Variants in ZFYVE9 observed in about 807,000 individuals in gnomAD.
ZFYVE9 encodes the protein zinc finger FYVE domain-containing protein 9.
In ZFYVE9, 43 loss-of-function variants were observed where a neutral mutation model predicts 126.7. That is an observed-to-expected ratio of 0.34 (90% CI 0.27 to 0.44). The LOEUF is 0.44. Ranked by LOEUF, ZFYVE9 falls within the 20% of genes least tolerant of loss-of-function variation. The probability of loss-of-function intolerance (pLI) is 1.00; values close to 1 mark genes in which losing one functional copy is unlikely to be tolerated. For synonymous variants in ZFYVE9, 521 were observed against 597.4 expected, an observed-to-expected ratio of 0.87 and a Z score of 1.87; for missense variants, 1,476 against 1,697.0, an observed-to-expected ratio of 0.87 and a Z score of 2.29.
chr1:52,239,844 A>G (rs1000590859), intron 4 of ZFYVE9, among the ~76,000 whole-genome samples: 2 of 152,204 alleles, frequency 1.3e-5, no homozygotes, highest in Non-Finnish European at 1.5e-5. Context: ...GAATTGAGGA[A>G]GTGTAAACTT....
intron 13 of ZFYVE9, among the ~76,000 whole-genome samples, chr1:52,330,029 TAAC>T (rs1646326208): frequency 2.6e-5 from 4 of 151,370 alleles, no homozygotes; most frequent in Admixed American, 2.6e-4. Flanking sequence ...CTGGATAACA[TAAC>T]ATAACATAAC....
intron 2 of ZFYVE9, among the ~76,000 whole-genome samples, chr1:52,226,535 CAAAAAGA>C (rs1379005556): frequency 5.3e-5 from 8 of 151,874 alleles, no homozygotes; most frequent in African/African-American, 1.7e-4. Context: ...GACTCTGTCT[CAAAAAGA>C]AAAAAGAAAA....
chr1:52,263,753 T>TTGGGGCCC lies in ZFYVE9; in HGVS notation c.2179-20_2179-19insTGGGGCCC. ...ATCCCAAGTAAATTTTGTGTGTTCT[T>TTGGGGCCC]CCCCCCCCCCCCCCCACAGGTTTTC... On this transcript the variant is annotated intron_variant, in intron 4 of 18. Transcript: ENST00000287727. 1 of 713,092 alleles carries TTGGGGCCC rather than the reference T, an allele frequency of 1.4e-6. No homozygotes were observed. Among genetic ancestry groups the TTGGGGCCC allele is most frequent in the Non-Finnish European group, 2.0e-6 (1 of 490,714 alleles). The allele number at this position is 713,092 out of a possible 1,614,324, so 44.2% of individuals were successfully genotyped here. A position where few individuals can be genotyped will look rare whatever the true frequency, so the allele number is the denominator to read the frequency against.
intron 17 of ZFYVE9, among the ~76,000 whole-genome samples, chr1:52,340,921 A>C (rs1212398666): frequency 7.6e-5 from 10 of 131,712 alleles, no homozygotes; most frequent in South Asian, 4.3e-4. Flanking sequence ...AAAAAAAAAA[A>C]AAAAAAAAAA....
Position 52,180,455 on chromosome 1 carries a change from C to T in ZFYVE9, c.-142-35914C>T, listed in dbSNP as rs1229070017. On this transcript the variant is annotated intron_variant, in intron 1 of 18. Coordinates refer to ENST00000287727, the MANE Select transcript of ZFYVE9 (RefSeq NM_004799.4). The stretch of plus-strand genomic sequence containing the variant: ...CTGAATCTGGAGCAATTAAGAGGGA[C>T]CTGGAGGAAAACCCTAAGAAGCCAG... The T allele has an allele frequency of 4.1e-6, 5 of 1,223,036 alleles. No homozygotes were observed. The African/African-American group carries it at 7.5e-5, about 18-fold the overall frequency. 75.8% of individuals were successfully genotyped at this position (1,223,036 alleles called of 1,614,324 possible). A position where few individuals can be genotyped will look rare whatever the true frequency, so the allele number is the denominator to read the frequency against.
chr1:52,181,691 C>G (rs1388634372), intron 1 of ZFYVE9, among the ~76,000 whole-genome samples: 1 of 151,026 alleles, frequency 6.6e-6, no homozygotes, highest in African/African-American at 2.4e-5. Flanking sequence ...CGTCTCTGCC[C>G]GGCCGCCCAT....
intron 1 of ZFYVE9, among the ~76,000 whole-genome samples, chr1:52,181,218 G>C (rs1300780211): frequency 1.3e-5 from 2 of 152,284 alleles, no homozygotes; most frequent in Middle Eastern, 3.4e-3. Context: ...GAGTGCCTGC[G>C]ATTGCAGGCG....
intron 1 of ZFYVE9, among the ~76,000 whole-genome samples, chr1:52,179,124 G>T (rs1311441658): frequency 6.6e-6 from 1 of 152,164 alleles, no homozygotes; most frequent in Non-Finnish European, 1.5e-5. Flanking sequence ...TTTAGGGTTT[G>T]AATTGTTAGG....
chr1:52,230,348 AG>A (rs1222164981), intron 2 of ZFYVE9, among the ~76,000 whole-genome samples: 1 of 152,004 alleles, frequency 6.6e-6, no homozygotes, highest in African/African-American at 2.4e-5. Context: ...CCCAGTGTGC[AG>A]TGCGCAGGTG....
At chr1:52,323,483 A>G (rs1409304767) in intron 13 of ZFYVE9, among the ~76,000 whole-genome samples, 3 of 152,248 alleles carry the variant, frequency 2.0e-5, no homozygotes, top group Non-Finnish European at 4.4e-5. Context: ...CTACTACTGA[A>G]TAAAGCAAGC....
intron 1 of ZFYVE9, among the ~76,000 whole-genome samples, chr1:52,214,828 G>A (rs1368109693): frequency 6.6e-6 from 1 of 152,110 alleles, no homozygotes; most frequent in Non-Finnish European, 1.5e-5. Context: ...CCATTCTGAG[G>A]GCAGAGGATT....
intron 1 of ZFYVE9, among the ~76,000 whole-genome samples, chr1:52,179,559 G>C (rs1644676530): frequency 6.6e-6 from 1 of 152,082 alleles, no homozygotes; most frequent in Middle Eastern, 3.2e-3. Context: ...TTTTGAACCC[G>C]AGAGGTGGAG....
chr1:52,319,627 A>G (rs1646219082), intron 13 of ZFYVE9, among the ~76,000 whole-genome samples: 1 of 151,868 alleles, frequency 6.6e-6, no homozygotes, highest in African/African-American at 2.4e-5. Flanking sequence ...CATCTCAAAA[A>G]AAAAATAAAA....
chr1:52,267,731 T>G (rs538810468), intron 6 of ZFYVE9, among the ~76,000 whole-genome samples: 1 of 152,192 alleles, frequency 6.6e-6, no homozygotes, highest in African/African-American at 2.4e-5. Flanking sequence ...ATTCTCTTCA[T>G]TTGTTGTTTT....
chr1:52,213,576 C>T (rs898383967), intron 1 of ZFYVE9, among the ~76,000 whole-genome samples: 5 of 151,796 alleles, frequency 3.3e-5, no homozygotes, highest in African/African-American at 9.7e-5. Flanking sequence ...TGCTTGAACC[C>T]GGGAGGTGGA....
At chr1:52,204,915 C>T (rs951065166) in intron 1 of ZFYVE9, among the ~76,000 whole-genome samples, 7 of 152,148 alleles carry the variant, frequency 4.6e-5, no homozygotes, top group African/African-American at 1.7e-4. Flanking sequence ...CACTAAGCCT[C>T]TAGCAATTTG....
At position 52,271,381 on chromosome 1, in the gene ZFYVE9, T is replaced by C. The variant is rs77913587; in HGVS notation, c.2625+2749T>C. Among the ~76,000 whole-genome samples, 133 of 152,286 alleles carry C rather than the reference T, an allele frequency of 8.7e-4. 3 individuals carry two copies. In the East Asian group the frequency reaches 0.02, roughly 23 times the overall value. ...TTCTTATTTTTATGGTCTAGTAGAGTGCCTGGCACTTAACAAGTGCCCAGT... is the reference window on the plus strand; with the variant it reads ...TTCTTATTTTTATGGTCTAGTAGAGCGCCTGGCACTTAACAAGTGCCCAGT... On this transcript the variant is annotated intron_variant, in intron 7 of 18. Transcript: ENST00000287727.
chr1:52,282,987 A>G (rs1645819638), intron 10 of ZFYVE9, among the ~76,000 whole-genome samples: 1 of 152,218 alleles, frequency 6.6e-6, no homozygotes, highest in African/African-American at 2.4e-5. Flanking sequence ...AGTCTCTACA[A>G]TAATTTAGGT....
At chr1:52,271,987 C>T (rs2147806640) in intron 7 of ZFYVE9, among the ~76,000 whole-genome samples, 2 of 151,988 alleles carry the variant, frequency 1.3e-5, no homozygotes, top group South Asian at 4.2e-4. Flanking sequence ...TTACAGGCGC[C>T]CACCACCACA....
Sources: gnomAD v4.1 joint callset for allele counts (sites outside exome capture counted in the v4.1 genomes callset) on GRCh38, gnomAD v4.1.1 for gene constraint, MANE v1.5 for transcripts, NCBI Gene and HGNC (gene_info 2026-07-23, HGNC 2026-07-21) for gene names.